Variants in ADGRL2 observed in about 807,000 individuals in gnomAD.
ADGRL2 encodes the protein adhesion G protein-coupled receptor L2.
ADGRL2 carries 44 observed loss-of-function variants against 157.4 expected under a neutral mutation model. The observed-to-expected ratio is 0.28, with a 90% CI of 0.22 to 0.36. The LOEUF (loss-of-function observed/expected upper bound fraction) is 0.36, where lower values mean the gene tolerates loss of function less well. Among genes scored for constraint, ADGRL2 ranks in the 10% least tolerant of loss-of-function variants. The probability of loss-of-function intolerance (pLI) is 1.00; values close to 1 mark genes in which losing one functional copy is unlikely to be tolerated. For synonymous variants in ADGRL2, 585 were observed against 624.7 expected, an observed-to-expected ratio of 0.94 and a Z score of 0.95; for missense variants, 1,510 against 1,768.9, an observed-to-expected ratio of 0.85 and a Z score of 2.63.
intron 1 of ADGRL2, among the ~76,000 whole-genome samples, chr1:81,334,380 A>G (rs1661486447): frequency 6.6e-6 from 1 of 152,244 alleles, no homozygotes; most frequent in Non-Finnish European, 1.5e-5. Flanking sequence ...ATTATAACCT[A>G]TGATCCAGTC....
At chr1:81,776,078 T>C (rs2086569744) in intron 2 of ADGRL2, among the ~76,000 whole-genome samples, 1 of 152,142 alleles carries the variant, frequency 6.6e-6, no homozygotes, top group African/African-American at 2.4e-5. Context: ...TGGGTTAGCA[T>C]CATCAGGAAT....
intron 2 of ADGRL2, among the ~76,000 whole-genome samples, chr1:81,497,109 T>C (rs1488366294): frequency 6.6e-6 from 1 of 152,200 alleles, no homozygotes; most frequent in African/African-American, 2.4e-5. Flanking sequence ...TATAGGTTCC[T>C]CCTGAATGTG....
At chr1:81,557,449 G>GAAAGA (rs1553123661) in intron 2 of ADGRL2, 10 of 44,640 alleles carry the variant, frequency 2.2e-4, no homozygotes, top group Admixed American at 1.4e-3. Context: ...GAAAGAAAGA[G>GAAAGA]AGAAAGAAAG....
intron 3 of ADGRL2, chr1:81,581,028 A>C (rs926996063): frequency 1.3e-5 from 2 of 152,140 alleles, no homozygotes; most frequent in Non-Finnish European, 2.9e-5. Context: ...ATTTAAGAAA[A>C]ATTTTCTCAG....
chr1:81,530,874 G>C (rs1329489330), intron 2 of ADGRL2, among the ~76,000 whole-genome samples: 1 of 151,940 alleles, frequency 6.6e-6, no homozygotes, highest in African/African-American at 2.4e-5. Context: ...CACGAGGTCG[G>C]GAGTTCGAGA....
chr1:81,556,207 T>C (rs1281826080), intron 2 of ADGRL2, among the ~76,000 whole-genome samples: 2 of 151,990 alleles, frequency 1.3e-5, no homozygotes, highest in Non-Finnish European at 2.9e-5. Context: ...TTTGAAGTCT[T>C]GAAACAAGAG....
chr1:81,322,919 G>T lies in ADGRL2; in HGVS notation c.-302+16410G>T, dbSNP rs571810608. Among the ~76,000 whole-genome samples, 20 of 150,344 alleles carry T rather than the reference G, an allele frequency of 1.3e-4. No individual in the cohort carries two copies. In the South Asian group the frequency reaches 3.0e-3, roughly 22 times the overall value. ...GTTGCCCAGGCTGGAGTGCAGTGGG[G>T]TGATCTCAGCTCACTGCAACCTCCC... On this transcript the variant is annotated intron_variant, in intron 1 of 24. Coordinates refer to the ADGRL2 transcript ENST00000370721.
chr1:81,637,946 T>G (rs2082146067), intron 3 of ADGRL2, among the ~76,000 whole-genome samples: 1 of 152,098 alleles, frequency 6.6e-6, no homozygotes, highest in African/African-American at 2.4e-5. Flanking sequence ...AAGTACACAT[T>G]GACTAGGTAA....
chr1:81,856,384 A>G (rs949021151), intron 2 of ADGRL2, among the ~76,000 whole-genome samples: 2 of 152,146 alleles, frequency 1.3e-5, no homozygotes, highest in African/African-American at 4.8e-5. Flanking sequence ...AGAGAAACGT[A>G]TGGGCTTCTT....
At chr1:81,557,453 A>AAGAAAGAAAGAG (rs1317111763) in intron 2 of ADGRL2, 4 of 56,580 alleles carry the variant, frequency 7.1e-5, no homozygotes, top group Admixed American at 3.3e-4. Flanking sequence ...GAAAGAGAGA[A>AAGAAAGAAAGAG]AGAAAGAAAG....
At chr1:81,307,116 C>A (rs1659394198) in intron 1 of ADGRL2, among the ~76,000 whole-genome samples, 1 of 152,108 alleles carries the variant, frequency 6.6e-6, no homozygotes, top group African/African-American at 2.4e-5. Flanking sequence ...CTGTCATTAT[C>A]CATGTGATTA....
chr1:81,318,115 C>T (rs1327598), intron 1 of ADGRL2, among the ~76,000 whole-genome samples: 67,581 of 151,956 alleles, frequency 0.44, 15,411 homozygotes, highest in Middle Eastern at 0.54. Context: ...GACATTACAC[C>T]TTTAATAAAA....
intron 2 of ADGRL2, among the ~76,000 whole-genome samples, chr1:81,790,229 C>CCACCTATCTAAT (rs2087265727): frequency 6.6e-6 from 1 of 152,024 alleles, no homozygotes; most frequent in African/African-American, 2.4e-5. Flanking sequence ...TCCTGCTTTC[C>CCACCTATCTAAT]TTGAGATATT....
chr1:81,504,147 G>A (rs1357779274), intron 2 of ADGRL2, among the ~76,000 whole-genome samples: 2 of 152,146 alleles, frequency 1.3e-5, no homozygotes, highest in Admixed American at 6.5e-5. Flanking sequence ...GCAGAGCCTC[G>A]GGGCTGCCCA....
At chr1:81,579,975 A>C (rs973452871) in intron 2 of ADGRL2, among the ~76,000 whole-genome samples, 1 of 152,182 alleles carries the variant, frequency 6.6e-6, no homozygotes, top group Non-Finnish European at 1.5e-5. Context: ...GAAAGAATAT[A>C]ATAAAACTAT....
intron 1 of ADGRL2, among the ~76,000 whole-genome samples, chr1:81,412,274 C>T (rs2076958866): frequency 6.6e-6 from 1 of 152,146 alleles, no homozygotes; most frequent in African/African-American, 2.4e-5. Flanking sequence ...ATTGCCTCCA[C>T]AAGTCATTAT....
intron 1 of ADGRL2, among the ~76,000 whole-genome samples, chr1:81,801,441 C>T (rs2088108221): frequency 6.6e-6 from 1 of 152,204 alleles, no homozygotes; most frequent in African/African-American, 2.4e-5. Flanking sequence ...CGCTCCCTCT[C>T]ACTCTCTCTC....
chr1:81,600,763 T>G (rs1212184609), intron 3 of ADGRL2, among the ~76,000 whole-genome samples: 2 of 152,210 alleles, frequency 1.3e-5, no homozygotes, highest in African/African-American at 4.8e-5. Flanking sequence ...CAAGACAGAC[T>G]AGTGGTGTAG....
At chr1:81,494,059 A>G (rs962887374) in intron 2 of ADGRL2, among the ~76,000 whole-genome samples, 6 of 152,186 alleles carry the variant, frequency 3.9e-5, no homozygotes, top group African/African-American at 1.4e-4. Flanking sequence ...GTCAACAGTC[A>G]CAAACTTATG....
Sources: allele counts gnomAD v4.1 joint callset (sites outside exome capture counted in the v4.1 genomes callset), GRCh38; gene constraint gnomAD v4.1.1; transcripts MANE v1.5; gene names NCBI Gene and HGNC (gene_info 2026-07-23, HGNC 2026-07-21).